Variants in DERA observed in about 807,000 individuals in gnomAD.
DERA encodes 2-deoxy-D-ribose 5-phosphate aldolase.
A neutral mutation model predicts 41.1 loss-of-function variants in DERA; 15 were observed. The ratio of observed to expected loss-of-function variants is 0.37; its 90% CI spans 0.24 to 0.56. The LOEUF (loss-of-function observed/expected upper bound fraction) is 0.56, where lower values mean the gene tolerates loss of function less well. Ranked by LOEUF, DERA falls within the 20% of genes least tolerant of loss-of-function variation. DERA has a pLI of 0.81. For missense variants in DERA, 396 were observed against 403.4 expected, an observed-to-expected ratio of 0.98 and a Z score of 0.16; for synonymous variants, 139 against 137.4, an observed-to-expected ratio of 1.01 and a Z score of -0.08.
chr12:15,911,403 G>T lies in DERA; in HGVS notation c.20G>T (p.Gly7Val). The T allele has an allele frequency of 7.1e-7, 1 of 1,407,050 alleles. No homozygotes were observed. The highest frequency in any genetic ancestry group is 9.2e-7 in the Non-Finnish European group (1 of 1,091,964). 87.2% of individuals were successfully genotyped at this position (1,407,050 alleles called of 1,614,324 possible). Residue 7 changes from glycine (G) to valine (V), a missense_variant, in exon 1 of 9, where the codon GGC (glycine) becomes GTC (valine). By Grantham distance (109) the Gly-to-Val change is moderately radical (BLOSUM62 -3). Transcript: ENST00000428559. The surrounding 1 kb of genome is among the most constrained non-coding windows in gnomAD (Gnocchi z 4.5). MSAHNR[G>V]TELDLSWISK... ...CGCGCCATGTCCGCGCACAATCGGG[G>T]CACCGAGCTCGGTAAGGGGCCCGCG...
intron 1 of DERA, among the ~76,000 whole-genome samples, chr12:15,927,144 A>T (rs776462372): frequency 6.6e-6 from 1 of 152,220 alleles, no homozygotes; most frequent in Non-Finnish European, 1.5e-5. Flanking sequence ...AACATTTTGA[A>T]AGGGAGATGC....
rs76778001 is a variant in DERA, at chr12:15,970,138, T to G, written c.508+7191T>G. 0.011 allele frequency among the ~76,000 whole-genome samples: 1,705 copies of G among 152,324 alleles called. 21 individuals are homozygous for G. Among genetic ancestry groups the G allele is most frequent in the African/African-American group, 0.039 (1,607 of 41,566 alleles). ...GTTCTTGAACATTTTGTGACTTTTTTAGTTTAAAAGGTTGCTGTACAATTT... is the reference window on the plus strand; with the variant it reads ...GTTCTTGAACATTTTGTGACTTTTTGAGTTTAAAAGGTTGCTGTACAATTT... On this transcript the variant is annotated intron_variant, in intron 5 of 8. Transcript: ENST00000428559. This position sits in a 1 kb window ranked among gnomAD's most constrained non-coding sequence, Gnocchi z 4.3.
At chr12:15,920,299 T>C (rs1948233377) in intron 1 of DERA, among the ~76,000 whole-genome samples, 1 of 152,184 alleles carries the variant, frequency 6.6e-6, no homozygotes, top group Admixed American at 6.5e-5. Flanking sequence ...TCCAACCCCC[T>C]TCTGTTGTGG....
chr12:15,959,319 T>C lies in DERA; in HGVS notation c.278-510T>C, dbSNP rs1213838964. On this transcript the variant is annotated intron_variant, in intron 3 of 8. Coordinates refer to ENST00000428559, the MANE Select transcript of DERA (RefSeq NM_015954.4). The surrounding 1 kb of genome is among the most constrained non-coding windows in gnomAD (Gnocchi z 4.5). Reference sequence around the variant, plus strand: ...AAATTTTTTAAAATTTATGAACTTATTTCTTAAAATCAGGGCTTCCGTTTC... The same window carrying C: ...AAATTTTTTAAAATTTATGAACTTACTTCTTAAAATCAGGGCTTCCGTTTC... 3.3e-5 allele frequency among the ~76,000 whole-genome samples: 5 copies of C among 152,234 alleles called. No individual in the cohort carries two copies. The highest frequency in any genetic ancestry group is 2.1e-4 in the South Asian group (1 of 4,834).
rs568345272 is a variant in DERA, at chr12:16,013,553, C to T, written c.638-18989C>T. On this transcript the variant is annotated intron_variant, in intron 6 of 8. Coordinates refer to ENST00000428559, the MANE Select transcript of DERA (RefSeq NM_015954.4). This position sits in a 1 kb window ranked among gnomAD's most constrained non-coding sequence, Gnocchi z 5.8. ...CTGAGGCCTCCCCAGCCATGCTGAA[C>T]TGTGAGTCAGTTAAACTTCTTTCCT... Among the ~76,000 whole-genome samples, 10 of 152,342 alleles carry T rather than the reference C, an allele frequency of 6.6e-5. No homozygotes were observed. In the East Asian group the frequency reaches 1.9e-3, roughly 29 times the overall value.
At chr12:15,923,394 A>G (rs1412860859) in intron 1 of DERA, among the ~76,000 whole-genome samples, 1 of 152,130 alleles carries the variant, frequency 6.6e-6, no homozygotes, top group East Asian at 1.9e-4. Context: ...GAGTCTTCTG[A>G]TCATTCCTTA....
chr12:15,987,779 C>T (rs1948774802), intron 6 of DERA, among the ~76,000 whole-genome samples: 1 of 152,098 alleles, frequency 6.6e-6, no homozygotes. Context: ...CCGTGCACTT[C>T]TGCTTGAGTT....
intron 1 of DERA, among the ~76,000 whole-genome samples, chr12:15,930,613 T>C (rs547887898): frequency 1.3e-5 from 2 of 152,246 alleles, no homozygotes; most frequent in African/African-American, 4.8e-5. Context: ...AAAATAGACA[T>C]TGGTTTCAGA....
Position 16,036,334 on chromosome 12 carries a change from C to T in DERA, c.853C>T (p.Leu285Phe), listed in dbSNP as rs770237031. The T allele has an allele frequency of 1.2e-6, 2 of 1,613,620 alleles. No individual in the cohort carries two copies. Among genetic ancestry groups the T allele is most frequent in the Non-Finnish European group, 1.7e-6 (2 of 1,179,716 alleles). The change falls in exon 8 of 9, where the codon CTC becomes TTC. Residue 285 changes from leucine to phenylalanine, a missense_variant. Leu to Phe is a conservative substitution (Grantham distance 22, BLOSUM62 0). Transcript: ENST00000428559. The surrounding 1 kb of genome is among the most constrained non-coding windows in gnomAD (Gnocchi z 4.9). ...TGGAGATGAGTGGCTGAAGCCAGAA[C>T]TCTTTCGAATAGGTGCCAGTACTCT... is the stretch of plus-strand genomic sequence containing the variant. Reference protein sequence around the residue: ...ELGDEWLKPELFRIGASTLLS... With the variant: ...ELGDEWLKPEFFRIGASTLLS...
chr12:15,945,229 A>G (rs1215338914), intron 1 of DERA, among the ~76,000 whole-genome samples: 9 of 152,190 alleles, frequency 5.9e-5, no homozygotes, highest in Non-Finnish European at 1.3e-4. Flanking sequence ...TTTTGGTTCC[A>G]TATGAACTTT....
intron 7 of DERA, among the ~76,000 whole-genome samples, chr12:16,033,942 A>G (rs182558853): frequency 7.9e-5 from 12 of 152,366 alleles, no homozygotes; most frequent in Non-Finnish European, 1.6e-4. Context: ...CCTTTCTGCA[A>G]CAATCCAAAT....
At position 16,011,048 on chromosome 12, in the gene DERA, TG is replaced by T. The variant is rs1356514409; in HGVS notation, c.638-21493del. On this transcript the variant is annotated intron_variant, in intron 6 of 8. Coordinates refer to ENST00000428559, the MANE Select transcript of DERA (RefSeq NM_015954.4). The surrounding 1 kb of genome is among the most constrained non-coding windows in gnomAD (Gnocchi z 4.7). ...TTCTAGCTTGCTTTGTTCAGTAAAA[TG>T]TATTTCTAAATCCATTTTAAGCAGC... is the stretch of plus-strand genomic sequence containing the variant. Among the ~76,000 whole-genome samples, 1 of 152,200 alleles carries T rather than the reference TG, an allele frequency of 6.6e-6. No individual in the cohort carries two copies. Among genetic ancestry groups the T allele is most frequent in the African/African-American group, 2.4e-5 (1 of 41,452 alleles).
At chr12:15,968,193 C>T (rs992809484) in intron 5 of DERA, among the ~76,000 whole-genome samples, 1 of 151,486 alleles carries the variant, frequency 6.6e-6, no homozygotes, top group African/African-American at 2.4e-5. Flanking sequence ...TAAATTCATA[C>T]ATTGAATACA....
rs1948244237 is a variant in DERA at position 15,921,508 on chromosome 12, A to C, written c.31+10094A>C. On this transcript the variant is annotated intron_variant, in intron 1 of 8. Transcript: ENST00000428559. This position sits in a 1 kb window ranked among gnomAD's most constrained non-coding sequence, Gnocchi z 5.3. ...TTTGTATTTTGGACTCAGGGAAGAA[A>C]GTAGGTTGTAACAATTCCTATTGTA... is the stretch of plus-strand genomic sequence containing the variant. Among the ~76,000 whole-genome samples the C allele has an allele frequency of 6.6e-6, 1 of 152,212 alleles. No individual in the cohort carries two copies. The highest frequency in any genetic ancestry group is 1.5e-5 in the Non-Finnish European group (1 of 68,042).
chr12:15,916,119 T>C (rs2136121892), intron 1 of DERA: 1 of 152,342 alleles, frequency 6.6e-6, no homozygotes, highest in African/African-American at 2.4e-5. Flanking sequence ...CATTGCAGTT[T>C]GTTTCAGAGA....
At chr12:15,962,748 C>T (rs1565597576) in intron 4 of DERA, 65 bp from the exon 5 acceptor site, 1 of 1,419,546 alleles carries the variant, frequency 7.0e-7, no homozygotes, top group African/African-American at 1.4e-5. Flanking sequence ...TTCCCCTCCC[C>T]CCCTTGCTTA....
rs181139457 is a variant in DERA, at chr12:16,013,442, C to T, written c.638-19100C>T. 8.5e-5 allele frequency among the ~76,000 whole-genome samples: 13 copies of T among 152,278 alleles called. No homozygotes were observed. The highest frequency in any genetic ancestry group is 5.9e-4 in the Admixed American group (9 of 15,290). The stretch of plus-strand genomic sequence containing the variant: ...ATCTGATGGTTTTATAAGGAGTTCT[C>T]CTACCTTTGCTCGGCACTTCTTGCT... On this transcript the variant is annotated intron_variant, in intron 6 of 8. Coordinates refer to ENST00000428559, the MANE Select transcript of DERA (RefSeq NM_015954.4). The surrounding 1 kb of genome is among the most constrained non-coding windows in gnomAD (Gnocchi z 5.8).
intron 6 of DERA, among the ~76,000 whole-genome samples, chr12:15,997,990 G>A (rs1252913624): frequency 6.6e-6 from 1 of 152,168 alleles, no homozygotes; most frequent in African/African-American, 2.4e-5. Flanking sequence ...TTTTAAAGGT[G>A]AGAAAACCAA....
intron 4 of DERA, among the ~76,000 whole-genome samples, chr12:15,960,534 G>A (rs1476979521): frequency 6.7e-6 from 1 of 149,418 alleles, no homozygotes; most frequent in Non-Finnish European, 1.5e-5. Flanking sequence ...GCTGCTGGGA[G>A]GCTGAGGCTG....
Sources: gnomAD v4.1 joint callset for allele counts (sites outside exome capture counted in the v4.1 genomes callset) on GRCh38, gnomAD v4.1.1 for gene constraint, Gnocchi (gnomAD v3.1) non-coding constraint, MANE v1.5 for transcripts, NCBI Gene and HGNC (gene_info 2026-07-23, HGNC 2026-07-21) for gene names.